DOCK5: variants seen among roughly 807,000 people sequenced by gnomAD.
DOCK5 encodes dedicator of cytokinesis 5, also known as dedicator of cytokinesis protein 5.
DOCK5 carries 142 observed loss-of-function variants against 251.8 expected under a neutral mutation model. That is an observed-to-expected ratio of 0.56 (90% confidence interval 0.49 to 0.65). The LOEUF is 0.65. DOCK5 is among the 30% of genes least tolerant of loss of function. The pLI is 0.00. For synonymous variants in DOCK5, 842 were observed against 835.5 expected (o/e 1.01, Z -0.13); for missense variants, 2,111 against 2,312.3 (o/e 0.91, Z 1.79).
At chr8:25,357,763 G>A (rs1198963704) in intron 27 of DOCK5, among the ~76,000 whole-genome samples, 1 of 152,074 alleles carries the variant, frequency 6.6e-6, no homozygotes, top group African/African-American at 2.4e-5. Flanking sequence ...TCATTGTTCT[G>A]CTTGGGGAAT....
intron 13 of DOCK5, among the ~76,000 whole-genome samples, chr8:25,312,836 G>A (rs965646002): frequency 1.1e-4 from 16 of 151,982 alleles, no homozygotes; most frequent in African/African-American, 3.6e-4. Flanking sequence ...AGGCTGAAGC[G>A]GGAGCATCAC....
intron 45 of DOCK5, among the ~76,000 whole-genome samples, chr8:25,398,150 C>G (rs189089884): frequency 2.0e-5 from 3 of 152,300 alleles, no homozygotes; most frequent in Admixed American, 2.0e-4. Context: ...AAATGAATTT[C>G]AGGGCTCTCT....
chr8:25,292,580 C>A (rs1307953425), intron 6 of DOCK5, among the ~76,000 whole-genome samples: 1 of 152,140 alleles, frequency 6.6e-6, no homozygotes, highest in African/African-American at 2.4e-5. Flanking sequence ...GAGGCCCCAT[C>A]TCTACAATAA....
chr8:25,258,573 C>T (rs897551928), intron 2 of DOCK5, among the ~76,000 whole-genome samples: 1 of 152,130 alleles, frequency 6.6e-6, no homozygotes, highest in African/African-American at 2.4e-5. Flanking sequence ...AGGCAGGGTG[C>T]TTTAGCGCTG....
intron 7 of DOCK5, among the ~76,000 whole-genome samples, chr8:25,298,626 G>T (rs1452202341): frequency 1.3e-5 from 2 of 152,128 alleles, no homozygotes; most frequent in East Asian, 3.9e-4. Flanking sequence ...ATTGAGACAG[G>T]GTCTCACTTT....
At position 25,245,277 on chromosome 8, in the gene DOCK5, C is replaced by T. The variant is rs1004604963; in HGVS notation, c.127+1520C>T. ...TTCACCATGTTAGCCAGGATGGTCT[C>T]GATCTCCTGACCTCGTGATCCGCCT... On this transcript the variant is annotated intron_variant, in intron 2 of 51. Coordinates refer to ENST00000276440, the MANE Select transcript of DOCK5 (RefSeq NM_024940.8). 8.5e-5 allele frequency among the ~76,000 whole-genome samples: 13 copies of T among 152,192 alleles called. 1 individual carries two copies. Among genetic ancestry groups the T allele is most frequent in the South Asian group, 8.3e-4 (4 of 4,830 alleles).
chr8:25,319,230 T>C (rs1405812321), intron 14 of DOCK5, among the ~76,000 whole-genome samples: 2 of 152,172 alleles, frequency 1.3e-5, no homozygotes, highest in South Asian at 2.1e-4. Flanking sequence ...TCTGCAGTTG[T>C]CACCTAACTT....
chr8:25,199,977 A>G (rs905521326), intron 1 of DOCK5, among the ~76,000 whole-genome samples: 2 of 152,092 alleles, frequency 1.3e-5, no homozygotes, highest in Non-Finnish European at 2.9e-5. Flanking sequence ...GTTAATTTAC[A>G]TTTTGCAGAA....
At chr8:25,315,743 T>C (rs1022222026) in intron 13 of DOCK5, among the ~76,000 whole-genome samples, 10 of 152,258 alleles carry the variant, frequency 6.6e-5, no homozygotes, top group African/African-American at 2.2e-4. Flanking sequence ...ACATTTTCAG[T>C]TTCTCCATTG....
At chr8:25,357,745 A>T (rs944131781) in intron 27 of DOCK5, among the ~76,000 whole-genome samples, 4 of 152,120 alleles carry the variant, frequency 2.6e-5, no homozygotes, top group African/African-American at 9.7e-5. Flanking sequence ...ATAGACATGG[A>T]CAGTCTTTCA....
intron 40 of DOCK5, among the ~76,000 whole-genome samples, chr8:25,386,997 A>G (rs753582834): frequency 6.6e-6 from 1 of 152,218 alleles, no homozygotes; most frequent in African/African-American, 2.4e-5. Context: ...ACATACCTCA[A>G]AGGCATACTG....
intron 1 of DOCK5, among the ~76,000 whole-genome samples, chr8:25,232,920 A>G (rs1342074964): frequency 6.6e-6 from 1 of 152,094 alleles, no homozygotes; most frequent in Non-Finnish European, 1.5e-5. Context: ...GTTGGGAACA[A>G]TGCCTCTTGC....
intron 2 of DOCK5, among the ~76,000 whole-genome samples, chr8:25,262,463 C>T (rs746569766): frequency 3.3e-5 from 5 of 152,174 alleles, no homozygotes; most frequent in Non-Finnish European, 7.4e-5. Flanking sequence ...TTGGCAACTA[C>T]TCATGTGTTT....
intron 4 of DOCK5, among the ~76,000 whole-genome samples, chr8:25,276,787 C>A (rs1804051160): frequency 1.3e-5 from 2 of 152,146 alleles, no homozygotes; most frequent in African/African-American, 4.8e-5. Flanking sequence ...CGGTATAGAT[C>A]TGTTATCCAA....
chr8:25,371,869 T>C (rs768839189), intron 34 of DOCK5, among the ~76,000 whole-genome samples: 1 of 151,558 alleles, frequency 6.6e-6, no homozygotes, highest in Non-Finnish European at 1.5e-5. Flanking sequence ...CCCATTTCTT[T>C]CTCTTTCCCT....
intron 1 of DOCK5, 122 bp downstream of exon 1, chr8:25,185,073 C>A: frequency 8.8e-7 from 1 of 1,131,368 alleles, no homozygotes; most frequent in Non-Finnish European, 1.1e-6. Flanking sequence ...CCCGGCTGCG[C>A]AGCTCTGGGA....
chr8:25,239,968 A>T (rs1410802825), intron 1 of DOCK5, among the ~76,000 whole-genome samples: 1 of 152,150 alleles, frequency 6.6e-6, no homozygotes, highest in Non-Finnish European at 1.5e-5. Flanking sequence ...TGAGAGGTTG[A>T]CTGTGATGTA....
rs549314827 is a variant in DOCK5, at chr8:25,240,336, G to A, written c.44-3338G>A. On this transcript the variant is annotated intron_variant, in intron 1 of 51. Transcript: ENST00000276440. ...AATTTATATACCATAAAATCCACCC[G>A]TTTTAAGCATATAATTCACTGATTT... Among the ~76,000 whole-genome samples, 6 of 150,338 alleles carry A rather than the reference G, an allele frequency of 4.0e-5. No individual in the cohort carries two copies. The South Asian group carries it at 1.0e-3, about 26-fold the overall frequency.
intron 16 of DOCK5, among the ~76,000 whole-genome samples, chr8:25,322,191 C>T (rs913621496): frequency 7.9e-5 from 12 of 152,198 alleles, no homozygotes; most frequent in African/African-American, 2.7e-4. Flanking sequence ...TGACAGCCAG[C>T]TGGACACTCC....
Sources: gnomAD v4.1 joint callset for allele counts (sites outside exome capture counted in the v4.1 genomes callset) on GRCh38, gnomAD v4.1.1 for gene constraint, MANE v1.5 for transcripts, NCBI Gene and HGNC (gene_info 2026-07-23, HGNC 2026-07-21) for gene names.